The following MCEE variants were observed in gnomAD, a reference collection of about 807,000 sequenced individuals.
MCEE encodes the protein methylmalonyl-CoA epimerase, mitochondrial.
In MCEE, 6 loss-of-function variants were observed where a neutral mutation model predicts 12.9. The observed-to-expected ratio is 0.47, with a 90% CI of 0.26 to 0.92. MCEE has a LOEUF of 0.92. MCEE is among the 40% of genes least tolerant of loss of function. MCEE has a pLI of 0.16. For synonymous variants in MCEE, 78 were observed against 77.9 expected (o/e 1.00, Z -0.01); for missense variants, 214 against 212.1 (o/e 1.01, Z -0.05).
chr2:71,125,211 A>ATATATATATTTTTTTTTTTTTT, intron 1 of MCEE, among the ~76,000 whole-genome samples: 1 of 48,610 alleles, frequency 2.1e-5, no homozygotes, highest in Non-Finnish European at 4.4e-5. Context: ...ATATATATAT[A>ATATATATATTTTTTTTTTTTTT]TTTTTTTTTT....
chr2:71,125,971 C>A (rs1488762460), intron 1 of MCEE, among the ~76,000 whole-genome samples: 1 of 152,150 alleles, frequency 6.6e-6, no homozygotes, highest in African/African-American at 2.4e-5. Flanking sequence ...ACCTCAGCCT[C>A]CTGAGTAGCT....
chr2:71,129,916 C>G (rs929390786), intron 1 of MCEE: 7 of 578,696 alleles, frequency 1.2e-5, no homozygotes, highest in African/African-American at 1.9e-5. Context: ...TCGACTCTCC[C>G]GCCCACATAC....
chr2:71,125,793 T>C (rs1673218729), intron 1 of MCEE, among the ~76,000 whole-genome samples: 1 of 152,208 alleles, frequency 6.6e-6, no homozygotes, highest in Non-Finnish European at 1.5e-5. Context: ...GCACCTACTG[T>C]CTGGCACTGT....
At chr2:71,126,544 A>G (rs547316887) in intron 1 of MCEE, among the ~76,000 whole-genome samples, 209 of 137,330 alleles carry the variant, frequency 1.5e-3, no homozygotes, top group African/African-American at 5.6e-3. Flanking sequence ...ACATTTTTAA[A>G]GGGTTTTGTT....
intron 1 of MCEE, among the ~76,000 whole-genome samples, chr2:71,125,230 A>T (rs1454825984): frequency 3.1e-5 from 1 of 32,256 alleles, no homozygotes; most frequent in Non-Finnish European, 8.1e-5. Flanking sequence ...TTTTTTTGAG[A>T]CGGAGTCTCA....
At chr2:71,118,965 C>T (rs1050089026) in intron 2 of MCEE, among the ~76,000 whole-genome samples, 8 of 149,658 alleles carry the variant, frequency 5.3e-5, no homozygotes, top group African/African-American at 2.0e-4. Flanking sequence ...GCAGCTCTCA[C>T]TCATGGATGC....
chr2:71,124,736 T>C (rs1251523769), intron 1 of MCEE, among the ~76,000 whole-genome samples, 193 bp from the exon 2 acceptor site: 2 of 152,142 alleles, frequency 1.3e-5, no homozygotes, highest in African/African-American at 2.4e-5. Context: ...CCCATTCAAA[T>C]AACTGACTGG....
chr2:71,129,151 A>C (rs901029836), intron 1 of MCEE, among the ~76,000 whole-genome samples: 2 of 152,234 alleles, frequency 1.3e-5, no homozygotes, highest in Non-Finnish European at 2.9e-5. Flanking sequence ...ATGTAAGTAC[A>C]AAACAAACAT....
chr2:71,115,817 G>A (rs1206196296), intron 2 of MCEE, among the ~76,000 whole-genome samples: 1 of 148,420 alleles, frequency 6.7e-6, no homozygotes, highest in Non-Finnish European at 1.5e-5. Flanking sequence ...CCTGTTGGGG[G>A]GTGGGGGAAA....
At chr2:71,126,297 G>A (rs1186615357) in intron 1 of MCEE, among the ~76,000 whole-genome samples, 1 of 151,074 alleles carries the variant, frequency 6.6e-6, no homozygotes, top group Non-Finnish European at 1.5e-5. Context: ...GTGTGATCTC[G>A]GCTCACTGCA....
intron 2 of MCEE, among the ~76,000 whole-genome samples, chr2:71,112,429 C>CGT: frequency 8.9e-6 from 1 of 112,936 alleles, no homozygotes; most frequent in African/African-American, 3.4e-5. Context: ...GCCACTGCAC[C>CGT]TGCCTTTTTT....
intron 2 of MCEE, among the ~76,000 whole-genome samples, chr2:71,111,339 C>T (rs565194646): frequency 5.9e-5 from 9 of 152,178 alleles, no homozygotes; most frequent in African/African-American, 2.2e-4. Flanking sequence ...AAAATTGGTC[C>T]TCACTGATGT....
intron 1 of MCEE, among the ~76,000 whole-genome samples, chr2:71,125,211 A>ATATATATATATATTTTTTTTTTTTTTTT: frequency 2.1e-4 from 10 of 48,600 alleles, no homozygotes; most frequent in Non-Finnish European, 2.6e-4. Context: ...ATATATATAT[A>ATATATATATATATTTTTTTTTTTTTTTT]TTTTTTTTTT....
Position 71,124,502 on chromosome 2 carries a change from C to G in MCEE, c.82G>C (p.Ala28Pro). 1 of 1,614,056 alleles carries G rather than the reference C, an allele frequency of 6.2e-7. No individual in the cohort carries two copies. The highest frequency in any genetic ancestry group is 1.3e-5 in the African/African-American group (1 of 75,002). ...TCCAAGGGCTGTGATGTGGAAGAAGCTCTTACTGTTGGAATGGGAGCTTGA... is the reference window on the plus strand; with the variant it reads ...TCCAAGGGCTGTGATGTGGAAGAAGGTCTTACTGTTGGAATGGGAGCTTGA... ...RLQAPIPTVR[A>P]SSTSQPLDQV... Residue 28 changes from alanine (A) to proline (P), a missense_variant, in exon 2 of 3, where the codon GCT becomes CCT. Coordinates refer to ENST00000244217, the MANE Select transcript of MCEE (RefSeq NM_032601.4).
intron 2 of MCEE, among the ~76,000 whole-genome samples, chr2:71,120,752 T>C (rs1204926586): frequency 3.4e-5 from 4 of 118,088 alleles, no homozygotes; most frequent in African/African-American, 1.6e-4. Flanking sequence ...TTTTTTTTTT[T>C]CCTGAGATGG....
intron 2 of MCEE, among the ~76,000 whole-genome samples, chr2:71,113,065 A>G (rs2103775669): frequency 6.6e-6 from 1 of 152,358 alleles, no homozygotes; most frequent in Admixed American, 6.5e-5. Context: ...TAGCAGCCCT[A>G]GAAGACAAAT....
chr2:71,130,143 T>C, intron 1 of MCEE, 37 bp downstream of exon 1: 1 of 1,601,020 alleles, frequency 6.2e-7, no homozygotes, highest in Non-Finnish European at 8.5e-7. Context: ...CCACGCTCCC[T>C]GTCCCATGGC....
intron 2 of MCEE, among the ~76,000 whole-genome samples, chr2:71,121,567 T>C (rs909339877): frequency 1.3e-5 from 2 of 152,190 alleles, no homozygotes; most frequent in Non-Finnish European, 1.5e-5. Context: ...CCCCTTATAA[T>C]CTCTGCTTTT....
intron 2 of MCEE, among the ~76,000 whole-genome samples, chr2:71,112,628 G>A (rs1672911085): frequency 6.6e-6 from 1 of 151,698 alleles, no homozygotes; most frequent in African/African-American, 2.4e-5. Context: ...TAGAGACTGG[G>A]TTTCACCATG....
Sources: gnomAD v4.1 joint callset for allele counts (sites outside exome capture counted in the v4.1 genomes callset) on GRCh38, gnomAD v4.1.1 for gene constraint, MANE v1.5 for transcripts, NCBI Gene and HGNC (gene_info 2026-07-23, HGNC 2026-07-21) for gene names.